The following CNTLN variants were observed in gnomAD, a reference collection of about 807,000 sequenced individuals.
CNTLN encodes the protein centlein, centrosomal protein.
A neutral mutation model predicts 180.0 loss-of-function variants in CNTLN; 212 were observed. The ratio of observed to expected loss-of-function variants is 1.18; its 90% CI spans 1.05 to 1.32. CNTLN has a LOEUF of 1.32. CNTLN is among the 40% of genes most tolerant of loss of function. The probability of loss-of-function intolerance (pLI) is 0.00; values close to 1 mark genes in which losing one functional copy is unlikely to be tolerated. For synonymous variants in CNTLN, 722 were observed against 563.1 expected (o/e 1.28, Z -3.99); for missense variants, 2,095 against 1,610.9 (o/e 1.30, Z -5.14).
chr9:17,320,696 T>C (rs1313716849), intron 8 of CNTLN, among the ~76,000 whole-genome samples: 2 of 151,764 alleles, frequency 1.3e-5, no homozygotes, highest in African/African-American at 4.8e-5. Flanking sequence ...AGACACGGGG[T>C]TTCACAACGT....
At chr9:17,177,574 G>T (rs149328815) in intron 2 of CNTLN, among the ~76,000 whole-genome samples, 2 of 152,160 alleles carry the variant, frequency 1.3e-5, no homozygotes, top group African/African-American at 4.8e-5. Context: ...GGTCGGATAT[G>T]TTCGGAGTTT....
chr9:17,269,569 A>G (rs1204848285), intron 5 of CNTLN, among the ~76,000 whole-genome samples: 1 of 152,162 alleles, frequency 6.6e-6, no homozygotes, highest in Non-Finnish European at 1.5e-5. Context: ...ATGTGGATGA[A>G]AAATTTCCAG....
At chr9:17,527,257 G>A in the CNTLN span, among the ~76,000 whole-genome samples, 3 of 152,090 alleles carry the variant, frequency 2.0e-5, no homozygotes, top group African/African-American at 7.2e-5. Flanking sequence ...TCAGCCACCC[G>A]CCCTCCTTTA....
At chr9:17,358,589 T>G (rs111383494) in intron 12 of CNTLN, among the ~76,000 whole-genome samples, 25 of 152,288 alleles carry the variant, frequency 1.6e-4, no homozygotes, top group African/African-American at 5.3e-4. Context: ...TGGCATAATG[T>G]GAATATTTTA....
At chr9:17,265,465 A>G (rs963806899) in intron 5 of CNTLN, among the ~76,000 whole-genome samples, 18 of 151,806 alleles carry the variant, frequency 1.2e-4, no homozygotes, top group Middle Eastern at 3.4e-3. Flanking sequence ...GAGGATTTTT[A>G]CATCAATGTT....
At chr9:17,329,695 G>T (rs1281893796) in intron 8 of CNTLN, among the ~76,000 whole-genome samples, 1 of 151,734 alleles carries the variant, frequency 6.6e-6, no homozygotes, top group Admixed American at 6.6e-5. Flanking sequence ...AAAGGATGAT[G>T]TTTCCCATTG....
intron 13 of CNTLN, among the ~76,000 whole-genome samples, chr9:17,376,925 T>C (rs924835087): frequency 2.0e-5 from 3 of 152,182 alleles, no homozygotes; most frequent in Non-Finnish European, 4.4e-5. Flanking sequence ...AATAAATGTT[T>C]GCTTCAAAAG....
At chr9:17,279,352 G>A (rs1474468101) in intron 6 of CNTLN, among the ~76,000 whole-genome samples, 5 of 152,024 alleles carry the variant, frequency 3.3e-5, no homozygotes, top group African/African-American at 1.2e-4. Context: ...CATCTCATGA[G>A]CCCATTTTTA....
chr9:17,504,785 G>C (rs1833902944), downstream of CNTLN, among the ~76,000 whole-genome samples: 1 of 152,152 alleles, frequency 6.6e-6, no homozygotes, highest in African/African-American at 2.4e-5. Context: ...GACCAGAAAA[G>C]GCAAGGAAAC....
chr9:17,263,455 G>A (rs538285373), intron 5 of CNTLN, among the ~76,000 whole-genome samples: 46 of 151,248 alleles, frequency 3.0e-4, no homozygotes, highest in Non-Finnish European at 6.3e-4. Flanking sequence ...TTGGGCATTT[G>A]GATTGGTTCC....
At chr9:17,278,757 A>T (rs1431543020) in intron 6 of CNTLN, among the ~76,000 whole-genome samples, 1 of 152,188 alleles carries the variant, frequency 6.6e-6, no homozygotes, top group Non-Finnish European at 1.5e-5. Context: ...AGTACAAAGA[A>T]GGTAAAAGAA....
Position 17,443,965 on chromosome 9 carries a change from A to G in CNTLN, c.3115-13559A>G, listed in dbSNP as rs1201666555. 4.6e-5 allele frequency among the ~76,000 whole-genome samples: 7 copies of G among 152,328 alleles called. No homozygotes were observed. The East Asian group carries it at 1.2e-3, about 25-fold the overall frequency. On this transcript the variant is annotated intron_variant, in intron 18 of 25. Coordinates refer to ENST00000380647, the MANE Select transcript of CNTLN (RefSeq NM_017738.4). ...TTTGGTCAACAGTGTCAGATCCCAT[A>G]GAGGAACTGATAATAGAAAACTGAG...
At chr9:17,179,243 CAAAAAA>C (rs775986829) in intron 2 of CNTLN, among the ~76,000 whole-genome samples, 2 of 62,232 alleles carry the variant, frequency 3.2e-5, no homozygotes, top group South Asian at 5.1e-4. Flanking sequence ...GACTCCGTCT[CAAAAAA>C]AAAAAAAAAA....
chr9:17,228,176 C>G (rs1232287575), intron 3 of CNTLN, among the ~76,000 whole-genome samples: 1 of 152,046 alleles, frequency 6.6e-6, no homozygotes, highest in African/African-American at 2.4e-5. Flanking sequence ...CTTTGGTTTA[C>G]CAGCTTTGGA....
intron 2 of CNTLN, among the ~76,000 whole-genome samples, chr9:17,175,501 T>A (rs1820665814): frequency 6.6e-6 from 1 of 152,224 alleles, no homozygotes; most frequent in Non-Finnish European, 1.5e-5. Context: ...TCTATTGATC[T>A]ATAGGTCTGT....
chr9:17,291,263 CAAG>C (rs1232020377), intron 6 of CNTLN, among the ~76,000 whole-genome samples: 4 of 152,006 alleles, frequency 2.6e-5, no homozygotes, highest in African/African-American at 7.2e-5. Context: ...TATGTGTCGC[CAAG>C]AAGAATATAT....
chr9:17,312,385 A>ATTT (rs1819249475), intron 8 of CNTLN, among the ~76,000 whole-genome samples: 1 of 112,072 alleles, frequency 8.9e-6, no homozygotes, highest in African/African-American at 3.7e-5. Flanking sequence ...TATATATATA[A>ATTT]TTTATTTATT....
chr9:17,135,496 T>C (rs1295052515), intron 1 of CNTLN, 71 bp downstream of exon 1: 2 of 1,506,776 alleles, frequency 1.3e-6, no homozygotes, highest in African/African-American at 1.4e-5. Context: ...GGCGCGCCTT[T>C]CTCCCTCTGC....
chr9:17,165,070 C>G (rs1488282251), intron 2 of CNTLN, among the ~76,000 whole-genome samples: 1 of 151,222 alleles, frequency 6.6e-6, no homozygotes, highest in East Asian at 2.0e-4. Context: ...GAACTCCTGA[C>G]CTCGTGATCC....
Sources: allele counts gnomAD v4.1 joint callset (sites outside exome capture counted in the v4.1 genomes callset), GRCh38; gene constraint gnomAD v4.1.1; transcripts MANE v1.5; gene names NCBI Gene and HGNC (gene_info 2026-07-23, HGNC 2026-07-21).